The following NCKAP5 variants were observed in gnomAD, a reference collection of about 807,000 sequenced individuals.
The protein encoded by NCKAP5 is NCK associated protein 5.
In NCKAP5, 92 loss-of-function variants were observed where a neutral mutation model predicts 167.0. The observed-to-expected ratio is 0.55, with a 90% confidence interval of 0.47 to 0.66. NCKAP5 has a LOEUF of 0.66. Ranked by LOEUF, NCKAP5 falls within the 30% of genes least tolerant of loss-of-function variation. The pLI is 0.00. For synonymous variants in NCKAP5, 891 were observed against 877.4 expected, an observed-to-expected ratio of 1.02 and a Z score of -0.27; for missense variants, 2,378 against 2,315.0, an observed-to-expected ratio of 1.03 and a Z score of -0.56.
chr2:133,388,175 A>G (rs1468464997), intron 3 of NCKAP5, among the ~76,000 whole-genome samples: 1 of 149,206 alleles, frequency 6.7e-6, no homozygotes, highest in African/African-American at 2.6e-5. Context: ...TTGTGGTTTT[A>G]TCTACCTTTG....
intron 19 of NCKAP5, among the ~76,000 whole-genome samples, chr2:132,700,937 G>GGC (rs1405917056): frequency 1.4e-5 from 2 of 146,738 alleles, no homozygotes; most frequent in African/African-American, 5.0e-5. Flanking sequence ...GGGCGGGGGG[G>GGC]GGGGCTTTTA....
At chr2:133,404,406 T>C (rs571903656) in intron 3 of NCKAP5, among the ~76,000 whole-genome samples, 1 of 152,324 alleles carries the variant, frequency 6.6e-6, no homozygotes, top group South Asian at 2.1e-4. Flanking sequence ...TACATTACTG[T>C]TTTTTCCTAT....
intron 7 of NCKAP5, among the ~76,000 whole-genome samples, chr2:132,972,415 T>C (rs554922232): frequency 6.6e-6 from 1 of 152,230 alleles, no homozygotes; most frequent in African/African-American, 2.4e-5. Flanking sequence ...TGTCTACAAC[T>C]CTCTTGCTTA....
intron 2 of NCKAP5, among the ~76,000 whole-genome samples, chr2:133,536,453 G>T (rs1685774392): frequency 6.6e-6 from 1 of 151,982 alleles, no homozygotes; most frequent in African/African-American, 2.4e-5. Context: ...TTGTAGGTAT[G>T]TGCCTTTATT....
the NCKAP5 span, among the ~76,000 whole-genome samples, chr2:133,629,755 A>T: frequency 2.6e-5 from 4 of 152,334 alleles, no homozygotes; most frequent in East Asian, 7.7e-4. Flanking sequence ...TAGAATGGAT[A>T]AAGGAAATGT....
the NCKAP5 span, among the ~76,000 whole-genome samples, chr2:133,614,998 C>T: frequency 1.3e-5 from 2 of 152,096 alleles, no homozygotes; most frequent in African/African-American, 4.8e-5. Context: ...CAATATTCAA[C>T]ATTCTTAAAG....
chr2:133,621,816 G>T, the NCKAP5 span, among the ~76,000 whole-genome samples: 1 of 151,832 alleles, frequency 6.6e-6, no homozygotes, highest in Non-Finnish European at 1.5e-5. Flanking sequence ...CCCAAACCAC[G>T]CAAGGACATA....
intron 3 of NCKAP5, among the ~76,000 whole-genome samples, chr2:133,514,002 T>G (rs943108520): frequency 1.3e-5 from 2 of 152,148 alleles, no homozygotes; most frequent in African/African-American, 4.8e-5. Flanking sequence ...GAGCACAGTG[T>G]GAAATGATGA....
chr2:133,030,439 C>A (rs2078843156), intron 6 of NCKAP5, among the ~76,000 whole-genome samples: 2 of 152,116 alleles, frequency 1.3e-5, no homozygotes, highest in South Asian at 4.1e-4. Context: ...TCTCTCAGTT[C>A]TCAGAAGAAG....
chr2:133,151,649 G>C (rs1307766131), intron 5 of NCKAP5, among the ~76,000 whole-genome samples: 2 of 152,150 alleles, frequency 1.3e-5, no homozygotes, highest in East Asian at 3.9e-4. Context: ...GGAGCAACAG[G>C]AACTCTCATT....
chr2:132,779,984 T>A (rs1682882008), intron 15 of NCKAP5, among the ~76,000 whole-genome samples: 1 of 152,170 alleles, frequency 6.6e-6, no homozygotes, highest in Non-Finnish European at 1.5e-5. Context: ...TATTTTGTGT[T>A]TAAGTGCTCT....
intron 2 of NCKAP5, among the ~76,000 whole-genome samples, chr2:133,540,648 A>G (rs533311969): frequency 6.6e-6 from 1 of 152,248 alleles, no homozygotes; most frequent in East Asian, 1.9e-4. Context: ...AAAAATAGCA[A>G]TTGAAGGCCA....
At chr2:132,892,163 C>T (rs1692761706) in intron 8 of NCKAP5, among the ~76,000 whole-genome samples, 1 of 152,170 alleles carries the variant, frequency 6.6e-6, no homozygotes, top group Non-Finnish European at 1.5e-5. Context: ...ACAGTTTAAA[C>T]AGGCTCACAT....
At chr2:133,181,283 AT>A (rs1474334502) in intron 5 of NCKAP5, among the ~76,000 whole-genome samples, 2 of 152,076 alleles carry the variant, frequency 1.3e-5, no homozygotes, top group Non-Finnish European at 2.9e-5. Flanking sequence ...TTATGTATAT[AT>A]AATGTAATAC....
the NCKAP5 span, among the ~76,000 whole-genome samples, chr2:133,631,926 T>G: frequency 6.6e-6 from 1 of 152,240 alleles, no homozygotes; most frequent in Non-Finnish European, 1.5e-5. Flanking sequence ...ACTTTAAGAA[T>G]GGACACTTCT....
chr2:132,895,824 A>C (rs1693146315), intron 8 of NCKAP5, among the ~76,000 whole-genome samples: 1 of 147,040 alleles, frequency 6.8e-6, no homozygotes, highest in Non-Finnish European at 1.5e-5. Context: ...CTCAAAAAAA[A>C]AAAAAAAAAC....
At chr2:132,800,103 T>C (rs1015551364) in intron 11 of NCKAP5, among the ~76,000 whole-genome samples, 14 of 152,212 alleles carry the variant, frequency 9.2e-5, no homozygotes, top group Non-Finnish European at 5.9e-5. Context: ...ACTGATACTA[T>C]ATTACCTGTG....
chr2:132,872,884 C>T (rs146700140), intron 9 of NCKAP5, among the ~76,000 whole-genome samples: 2,134 of 152,128 alleles, frequency 0.014, 52 homozygotes, highest in African/African-American at 0.049. Context: ...CACTGACATG[C>T]GCAGGGGATG....
intron 11 of NCKAP5, among the ~76,000 whole-genome samples, chr2:132,820,430 G>C (rs1686633815): frequency 6.6e-6 from 1 of 151,896 alleles, no homozygotes; most frequent in South Asian, 2.1e-4. Flanking sequence ...GGGTTTCATT[G>C]TGTTAGCCAG....
Sources: gnomAD v4.1 joint callset for allele counts (sites outside exome capture counted in the v4.1 genomes callset) on GRCh38, gnomAD v4.1.1 for gene constraint, MANE v1.5 for transcripts, NCBI Gene and HGNC (gene_info 2026-07-23, HGNC 2026-07-21) for gene names.